Variants in EPHA3 observed in about 807,000 individuals in gnomAD.
EPHA3 encodes the protein ephrin type-A receptor 3.
In EPHA3, 42 loss-of-function variants were observed where a neutral mutation model predicts 107.1. The observed-to-expected ratio is 0.39, with a 90% confidence interval of 0.31 to 0.51. EPHA3 has a LOEUF of 0.51. Among genes scored for constraint, EPHA3 ranks in the 20% least tolerant of loss-of-function variants. The pLI is 0.78. For missense variants in EPHA3, 1,183 were observed against 1,211.2 expected (o/e 0.98, Z 0.35); for synonymous variants, 461 against 424.8 (o/e 1.09, Z -1.05).
chr3:89,331,309 A>G (rs1180363275), intron 3 of EPHA3, among the ~76,000 whole-genome samples: 6 of 152,306 alleles, frequency 3.9e-5, no homozygotes, highest in Admixed American at 3.3e-4. Context: ...TTGATGAATA[A>G]GAAAGTACAA....
chr3:89,264,765 A>T lies in EPHA3; in HGVS notation c.814+54245A>T, dbSNP rs184492617. ...AATATTTATTGAATCAATAAATAAG[A>T]TGGAATTCTGTCTTAAAAGAAAACA... On this transcript the variant is annotated intron_variant, in intron 3 of 16. Coordinates refer to ENST00000336596, the MANE Select transcript of EPHA3 (RefSeq NM_005233.6). 7.9e-4 allele frequency among the ~76,000 whole-genome samples: 120 copies of T among 152,288 alleles called. 1 individual carries two copies. The highest frequency in any genetic ancestry group is 7.8e-3 in the Admixed American group (119 of 15,290).
At chr3:89,452,131 A>T (rs1408012149) in intron 15 of EPHA3, among the ~76,000 whole-genome samples, 2 of 152,178 alleles carry the variant, frequency 1.3e-5, no homozygotes, top group African/African-American at 2.4e-5. Flanking sequence ...TGTTGATTTC[A>T]TATCTTGGCT....
chr3:89,287,161 A>T (rs542447860), intron 3 of EPHA3, among the ~76,000 whole-genome samples: 1 of 152,298 alleles, frequency 6.6e-6, no homozygotes, highest in South Asian at 2.1e-4. Flanking sequence ...GAAAAATAAT[A>T]ATTAGCATTT....
At chr3:89,398,910 T>A (rs565450280) in intron 6 of EPHA3, among the ~76,000 whole-genome samples, 1,723 of 152,160 alleles carry the variant, frequency 0.011, 38 homozygotes, top group African/African-American at 0.039. Flanking sequence ...CAGGTGGATC[T>A]CCTGAGGTCA....
intron 13 of EPHA3, among the ~76,000 whole-genome samples, chr3:89,434,745 C>T (rs1709633843): frequency 6.6e-6 from 1 of 152,258 alleles, no homozygotes; most frequent in South Asian, 2.1e-4. Flanking sequence ...ATGGAAATTG[C>T]TCTTTAACAT....
chr3:89,108,766 C>T (rs1036949613), intron 1 of EPHA3, among the ~76,000 whole-genome samples: 1 of 152,126 alleles, frequency 6.6e-6, no homozygotes, highest in African/African-American at 2.4e-5. Context: ...CTTTTGTGAT[C>T]TATTCTTGTG....
At chr3:89,263,780 G>C (rs1268928090) in intron 3 of EPHA3, among the ~76,000 whole-genome samples, 2 of 152,216 alleles carry the variant, frequency 1.3e-5, no homozygotes, top group Non-Finnish European at 2.9e-5. Flanking sequence ...GGAAAACAGG[G>C]ATAGAAGTTC....
chr3:89,221,047 A>T (rs1482601749), intron 3 of EPHA3, among the ~76,000 whole-genome samples: 1 of 152,182 alleles, frequency 6.6e-6, no homozygotes, highest in Non-Finnish European at 1.5e-5. Flanking sequence ...TTCAACTGGA[A>T]TTTGAATGGT....
intron 3 of EPHA3, among the ~76,000 whole-genome samples, chr3:89,232,687 A>G (rs770288960): frequency 2.0e-5 from 3 of 152,194 alleles, no homozygotes; most frequent in Non-Finnish European, 2.9e-5. Context: ...ATGAAAGGCA[A>G]TTAATTTTAC....
At chr3:89,142,474 A>C (rs947987452) in intron 2 of EPHA3, among the ~76,000 whole-genome samples, 2 of 151,384 alleles carry the variant, frequency 1.3e-5, no homozygotes, top group Non-Finnish European at 3.0e-5. Flanking sequence ...TGCTTTAAAC[A>C]TACCAAAAAA....
At chr3:89,398,512 A>G (rs979131340) in intron 6 of EPHA3, among the ~76,000 whole-genome samples, 2 of 152,194 alleles carry the variant, frequency 1.3e-5, no homozygotes, top group Non-Finnish European at 2.9e-5. Context: ...TACAGCACAA[A>G]TACAGTTAAG....
At chr3:89,261,804 T>A (rs561308571) in intron 3 of EPHA3, among the ~76,000 whole-genome samples, 2 of 151,622 alleles carry the variant, frequency 1.3e-5, no homozygotes, top group South Asian at 4.2e-4. Flanking sequence ...AGTAGTTTTT[T>A]AAAAAGTGAT....
intron 11 of EPHA3, 72 bp downstream of exon 11, chr3:89,419,462 T>C (rs1709314821): frequency 7.3e-7 from 1 of 1,376,048 alleles, no homozygotes; most frequent in Non-Finnish European, 9.6e-7. Flanking sequence ...ACCCCAACCA[T>C]TTAAGAATTT....
chr3:89,314,535 T>G (rs1706850903), intron 3 of EPHA3, among the ~76,000 whole-genome samples: 1 of 151,922 alleles, frequency 6.6e-6, no homozygotes, highest in African/African-American at 2.4e-5. Flanking sequence ...AGAATACAAA[T>G]GAAGACACAC....
rs141168731 is a variant in EPHA3, at chr3:89,154,278, T to G, written c.153+27005T>G. 9.4e-3 allele frequency among the ~76,000 whole-genome samples: 1,427 copies of G among 151,690 alleles called. 21 individuals are homozygous for G. The highest frequency in any genetic ancestry group is 0.027 in the African/African-American group (1,107 of 41,496). On this transcript the variant is annotated intron_variant, in intron 2 of 16. Coordinates refer to ENST00000336596, the MANE Select transcript of EPHA3 (RefSeq NM_005233.6). ...TTTTTGGGTTTTTGTTTGTTTTTTT[T>G]TTTTTTTATTTTTATTTCTCATTCT... is the stretch of plus-strand genomic sequence containing the variant.
chr3:89,123,289 G>T (rs2106964751), intron 1 of EPHA3, among the ~76,000 whole-genome samples: 1 of 152,240 alleles, frequency 6.6e-6, no homozygotes, highest in African/African-American at 2.4e-5. Flanking sequence ...GATTACAGGT[G>T]TGTGCTGCCA....
At chr3:89,327,136 G>A (rs1294704051) in intron 3 of EPHA3, among the ~76,000 whole-genome samples, 1 of 152,046 alleles carries the variant, frequency 6.6e-6, no homozygotes, top group Non-Finnish European at 1.5e-5. Flanking sequence ...TAACATAATA[G>A]GAGTGGAGTT....
chr3:89,202,515 CAA>C lies in EPHA3; in HGVS notation c.154-7326_154-7325del, dbSNP rs375753577. On this transcript the variant is annotated intron_variant, in intron 2 of 16. Coordinates refer to ENST00000336596, the MANE Select transcript of EPHA3 (RefSeq NM_005233.6). ...TGGATGACTGAGCGAGACTCTGTCTCAAAAAAAAAAAAAAAAAAAATATATAT... is the reference window on the plus strand; with the variant it reads ...TGGATGACTGAGCGAGACTCTGTCTCAAAAAAAAAAAAAAAAAATATATAT... 5.6e-3 allele frequency among the ~76,000 whole-genome samples: 649 copies of C among 116,700 alleles called. 3 individuals are homozygous for C. Among genetic ancestry groups the C allele is most frequent in the African/African-American group, 0.016 (454 of 27,580 alleles). 76.6% of individuals were successfully genotyped at this position (116,700 alleles called of 152,430 possible). A position where few individuals can be genotyped will look rare whatever the true frequency, so the allele number is the denominator to read the frequency against.
chr3:89,436,768 T>A (rs969463812), intron 13 of EPHA3, among the ~76,000 whole-genome samples: 14 of 152,242 alleles, frequency 9.2e-5, no homozygotes, highest in African/African-American at 3.4e-4. Context: ...CTGTGTTCTA[T>A]ACTGTCTTAG....
Sources: allele counts gnomAD v4.1 joint callset (sites outside exome capture counted in the v4.1 genomes callset), GRCh38; gene constraint gnomAD v4.1.1; transcripts MANE v1.5; gene names NCBI Gene and HGNC (gene_info 2026-07-23, HGNC 2026-07-21).